Variants in SLC6A6 observed in about 807,000 individuals in gnomAD.
SLC6A6 encodes the protein sodium- and chloride-dependent taurine transporter.
A neutral mutation model predicts 68.8 loss-of-function variants in SLC6A6; 16 were observed. That is an observed-to-expected ratio of 0.23 (90% confidence interval 0.16 to 0.35). SLC6A6 has a LOEUF of 0.35. SLC6A6 is among the 10% of genes least tolerant of loss of function. The pLI is 1.00. For synonymous variants in SLC6A6, 312 were observed against 315.4 expected, an observed-to-expected ratio of 0.99 and a Z score of 0.12; for missense variants, 474 against 802.8, an observed-to-expected ratio of 0.59 and a Z score of 4.95.
chr3:14,441,930 C>G (rs1371316118), intron 2 of SLC6A6, among the ~76,000 whole-genome samples: 1 of 152,252 alleles, frequency 6.6e-6, no homozygotes, highest in Non-Finnish European at 1.5e-5. Flanking sequence ...AGGTGTGGTC[C>G]TTGTCCCCAG....
chr3:14,440,095 G>T (rs1699947327), intron 2 of SLC6A6, among the ~76,000 whole-genome samples: 2 of 152,120 alleles, frequency 1.3e-5, no homozygotes, highest in South Asian at 4.2e-4. Flanking sequence ...TGCATGGAGT[G>T]TGTGCCACAT....
Position 14,445,841 on chromosome 3 carries a change from C to T in SLC6A6, c.354C>T (p.Pro118=). 6.2e-7 allele frequency: 1 copy of T among 1,614,244 alleles called. No individual in the cohort carries two copies. Among genetic ancestry groups the T allele is most frequent in the Non-Finnish European group, 8.5e-7 (1 of 1,180,036 alleles). The change falls in exon 4 of 15, where the codon CCC becomes CCT. Residue 118 remains proline, a synonymous_variant. Transcript: ENST00000622186. ...TCACCTGCTGGGAAAAGATCTGCCC[C>T]TTGTTCTCTGGTGAGTATGGGACGG... The part of the protein sequence containing the change: ...GGITCWEKIC[P]LFSGIGYASV...
intron 1 of SLC6A6, among the ~76,000 whole-genome samples, chr3:14,410,150 C>G (rs1341820859): frequency 7.1e-6 from 1 of 140,060 alleles, no homozygotes; most frequent in Non-Finnish European, 1.5e-5. Flanking sequence ...GCCCTCCATC[C>G]TATGCGACAG....
intron 5 of SLC6A6, among the ~76,000 whole-genome samples, chr3:14,451,486 C>T (rs893752934): frequency 2.0e-5 from 3 of 152,182 alleles, no homozygotes; most frequent in East Asian, 3.8e-4. Context: ...ATAGGATGCA[C>T]GGGTGAGGGC....
At chr3:14,416,641 T>A (rs1237685558) in intron 2 of SLC6A6, among the ~76,000 whole-genome samples, 188 bp downstream of exon 2, 3 of 152,240 alleles carry the variant, frequency 2.0e-5, no homozygotes, top group Non-Finnish European at 4.4e-5. Context: ...TTGGCCACTC[T>A]GTGCCTGCTT....
At chr3:14,480,117 C>T (rs1163678986) in intron 13 of SLC6A6, among the ~76,000 whole-genome samples, 1 of 152,172 alleles carries the variant, frequency 6.6e-6, no homozygotes, top group Non-Finnish European at 1.5e-5. Context: ...CTTGTAAAAC[C>T]AGGAGACTGT....
intron 2 of SLC6A6, among the ~76,000 whole-genome samples, chr3:14,427,732 G>C (rs1408951082): frequency 6.6e-6 from 1 of 152,160 alleles, no homozygotes; most frequent in Non-Finnish European, 1.5e-5. Context: ...TGTCCCAGGG[G>C]CCAGCAGGTG....
At chr3:14,447,878 T>C (rs1270783515) in intron 5 of SLC6A6, 62 bp downstream of exon 5, 1 of 1,588,400 alleles carries the variant, frequency 6.3e-7, no homozygotes, top group Non-Finnish European at 8.6e-7. Context: ...ATGGCCCACT[T>C]CCTTATCTCC....
intron 2 of SLC6A6, among the ~76,000 whole-genome samples, chr3:14,418,634 G>T (rs1257248040): frequency 1.3e-5 from 2 of 152,234 alleles, no homozygotes; most frequent in Non-Finnish European, 2.9e-5. Context: ...GAGGTTTACT[G>T]TGTTAACTCT....
chr3:14,467,418 G>A (rs1439353311), intron 7 of SLC6A6, among the ~76,000 whole-genome samples: 1 of 152,216 alleles, frequency 6.6e-6, no homozygotes, highest in East Asian at 1.9e-4. Flanking sequence ...CAATGGTGGT[G>A]ACAGCAGCCT....
intron 2 of SLC6A6, among the ~76,000 whole-genome samples, chr3:14,418,859 A>G (rs1286786698): frequency 6.6e-6 from 1 of 152,186 alleles, no homozygotes; most frequent in Non-Finnish European, 1.5e-5. Context: ...AAGACTACAC[A>G]GCTGGGAAGG....
intron 2 of SLC6A6, among the ~76,000 whole-genome samples, chr3:14,430,644 C>T (rs1035545549): frequency 3.3e-5 from 5 of 152,242 alleles, no homozygotes; most frequent in Non-Finnish European, 7.3e-5. Flanking sequence ...GTCGCTGCCA[C>T]CACTGCACCA....
At chr3:14,408,915 T>C (rs970945435) in intron 1 of SLC6A6, among the ~76,000 whole-genome samples, 1 of 152,152 alleles carries the variant, frequency 6.6e-6, no homozygotes, top group Non-Finnish European at 1.5e-5. Context: ...CAGGCCATTC[T>C]CCTGCCTCAG....
chr3:14,489,258 A>G lies in SLC6A6; in HGVS notation c.*4251A>G, dbSNP rs916662510. 28 of 152,498 alleles carry G rather than the reference A, an allele frequency of 1.8e-4. No homozygotes were observed. The highest frequency in any genetic ancestry group is 6.3e-4 in the African/African-American group (26 of 41,382). The allele number at this position is 152,498 out of a possible 1,614,324, so 9.4% of individuals were successfully genotyped here. A position where few individuals can be genotyped will look rare whatever the true frequency, so the allele number is the denominator to read the frequency against. ...TCTTTTGCTTTTTAGATAAATATGT[A>G]TATCAATATTTTAAATTCATCTTTG... is the stretch of plus-strand genomic sequence containing the variant. On this transcript the variant is annotated 3_prime_UTR_variant, in exon 15 of 15. Coordinates refer to ENST00000622186, the MANE Select transcript of SLC6A6 (RefSeq NM_003043.6).
At chr3:14,420,569 C>T (rs1699464081) in intron 2 of SLC6A6, among the ~76,000 whole-genome samples, 1 of 149,064 alleles carries the variant, frequency 6.7e-6, no homozygotes, top group African/African-American at 2.5e-5. Context: ...TAGCTCGCTA[C>T]AGCCTTGACC....
At chr3:14,429,255 C>A (rs1403027044) in intron 2 of SLC6A6, among the ~76,000 whole-genome samples, 3 of 152,212 alleles carry the variant, frequency 2.0e-5, no homozygotes, top group African/African-American at 7.2e-5. Context: ...TATGGAGTAA[C>A]CTTGGCCAGG....
At chr3:14,415,324 G>A (rs1174960780) in intron 1 of SLC6A6, among the ~76,000 whole-genome samples, 5 of 152,318 alleles carry the variant, frequency 3.3e-5, no homozygotes, top group Admixed American at 2.6e-4. Context: ...ATCTAATTTG[G>A]GGGACAGGGA....
At chr3:14,430,832 C>T (rs912067857) in intron 2 of SLC6A6, among the ~76,000 whole-genome samples, 2 of 152,238 alleles carry the variant, frequency 1.3e-5, no homozygotes, top group Non-Finnish European at 2.9e-5. Context: ...GAGTTCCCTC[C>T]AGCTCTGATG....
rs556379436 is a variant in SLC6A6, at chr3:14,409,696, T to C, written c.-53-6716T>C. Among the ~76,000 whole-genome samples, 5 of 152,258 alleles carry C rather than the reference T, an allele frequency of 3.3e-5. No individual in the cohort carries two copies. In the South Asian group the frequency reaches 1.0e-3, roughly 32 times the overall value. On this transcript the variant is annotated intron_variant, in intron 1 of 14. Transcript: ENST00000622186. ...GAGGTTAGTGAACAGTCTAAGATGGTTTATGCCAAGGCAGGCCAAGGATCC... is the reference window on the plus strand; with the variant it reads ...GAGGTTAGTGAACAGTCTAAGATGGCTTATGCCAAGGCAGGCCAAGGATCC...
Sources: gnomAD v4.1 joint callset for allele counts (sites outside exome capture counted in the v4.1 genomes callset) on GRCh38, gnomAD v4.1.1 for gene constraint, MANE v1.5 for transcripts, NCBI Gene and HGNC (gene_info 2026-07-23, HGNC 2026-07-21) for gene names.